Variants in ZNF609 observed in about 807,000 individuals in gnomAD.
The protein encoded by ZNF609 is zinc finger protein 609.
A neutral mutation model predicts 109.5 loss-of-function variants in ZNF609; 11 were observed. The ratio of observed to expected loss-of-function variants is 0.10; its 90% CI spans 0.06 to 0.17. The LOEUF (loss-of-function observed/expected upper bound fraction) is 0.17. Ranked by LOEUF, ZNF609 falls within the 10% of genes least tolerant of loss-of-function variation. The pLI, the probability that ZNF609 is intolerant of heterozygous loss-of-function variation, is 1.00. For synonymous variants in ZNF609, 646 were observed against 662.0 expected (o/e 0.98, Z 0.37); for missense variants, 1,559 against 1,772.4 (o/e 0.88, Z 2.16).
At chr15:64,559,786 G>GT (rs538142456) in intron 2 of ZNF609, among the ~76,000 whole-genome samples, 112 of 152,244 alleles carry the variant, frequency 7.4e-4, no homozygotes, top group African/African-American at 2.5e-3. Context: ...GCCCTTTCTA[G>GT]TTTACTATGT....
At chr15:64,680,447 C>G (rs1047260344) in intron 7 of ZNF609, 87 bp downstream of exon 7, 2 of 1,526,888 alleles carry the variant, frequency 1.3e-6, no homozygotes, top group Non-Finnish European at 1.8e-6. Context: ...AAGTTCAGGT[C>G]CTGACCACAG....
intron 2 of ZNF609, among the ~76,000 whole-genome samples, chr15:64,620,353 C>CT (rs1895858161): frequency 6.6e-6 from 1 of 152,214 alleles, no homozygotes; most frequent in Non-Finnish European, 1.5e-5. Flanking sequence ...CTGTCTCTAA[C>CT]TTTCCCTCTC....
chr15:64,465,620 A>G (rs1893003575), intron 1 of ZNF609, among the ~76,000 whole-genome samples: 1 of 151,802 alleles, frequency 6.6e-6, no homozygotes, highest in Non-Finnish European at 1.5e-5. Context: ...ACCTCAGGTG[A>G]TCCACCCACC....
intron 2 of ZNF609, among the ~76,000 whole-genome samples, chr15:64,510,357 A>G (rs1297974389): frequency 6.6e-6 from 1 of 151,830 alleles, no homozygotes; most frequent in East Asian, 1.9e-4. Flanking sequence ...GGCATATATC[A>G]CCACATCGGG....
intron 8 of ZNF609, among the ~76,000 whole-genome samples, chr15:64,681,096 C>T (rs971368281): frequency 1.3e-5 from 2 of 151,966 alleles, no homozygotes; most frequent in African/African-American, 2.4e-5. Flanking sequence ...CTCCAGAATA[C>T]TGGCCTTGAT....
intron 2 of ZNF609, among the ~76,000 whole-genome samples, chr15:64,620,869 C>G (rs895280880): frequency 6.6e-6 from 1 of 152,144 alleles, no homozygotes; most frequent in African/African-American, 2.4e-5. Flanking sequence ...GTGTTTGTCT[C>G]TGTGTGTGTT....
chr15:64,474,362 C>G (rs1220923227), intron 1 of ZNF609, among the ~76,000 whole-genome samples: 1 of 151,608 alleles, frequency 6.6e-6, no homozygotes, highest in Non-Finnish European at 1.5e-5. Context: ...TACAGGCGTA[C>G]GCCACCATGC....
intron 2 of ZNF609, 159 bp downstream of exon 2, chr15:64,500,325 C>A: frequency 1.9e-6 from 2 of 1,055,814 alleles, no homozygotes; most frequent in Non-Finnish European, 2.8e-6. Flanking sequence ...TGGTTTTCTT[C>A]CAAATTAGAG....
chr15:64,571,777 C>T (rs1358346029), intron 2 of ZNF609, among the ~76,000 whole-genome samples: 2 of 152,170 alleles, frequency 1.3e-5, no homozygotes, highest in African/African-American at 4.8e-5. Context: ...TCAAGCAGTT[C>T]TCCTGCCTCA....
intron 1 of ZNF609, among the ~76,000 whole-genome samples, chr15:64,498,097 T>A (rs1893509706): frequency 6.6e-6 from 1 of 152,060 alleles, no homozygotes. Flanking sequence ...TCACCCAGGC[T>A]GGAGTGCAGT....
At chr15:64,595,524 A>G (rs1259330600) in intron 2 of ZNF609, among the ~76,000 whole-genome samples, 1 of 152,094 alleles carries the variant, frequency 6.6e-6, no homozygotes, top group Non-Finnish European at 1.5e-5. Flanking sequence ...TGTGTGATAT[A>G]GACTTTTTCA....
In ZNF609 at chr15:64,514,630, T is replaced by C. The variant is rs910472558; in HGVS notation, c.747+14464T>C. Among the ~76,000 whole-genome samples the C allele has an allele frequency of 3.9e-5, 6 of 152,090 alleles. No individual in the cohort carries two copies. The East Asian group carries it at 5.8e-4, about 15-fold the overall frequency. On this transcript the variant is annotated intron_variant, in intron 2 of 9. Transcript: ENST00000326648. ...TTCTCACTTTCACCTTTAGATTCTA[T>C]CTAAACTATGCTTTTTTTTTTTTTT...
chr15:64,625,396 T>C (rs1283703360), intron 3 of ZNF609, among the ~76,000 whole-genome samples: 1 of 152,110 alleles, frequency 6.6e-6, no homozygotes, highest in African/African-American at 2.4e-5. Flanking sequence ...GGCGTGTACC[T>C]GTAATCCCAG....
intron 2 of ZNF609, among the ~76,000 whole-genome samples, chr15:64,607,520 T>C (rs1329085891): frequency 1.3e-5 from 2 of 151,224 alleles, no homozygotes; most frequent in African/African-American, 4.9e-5. Flanking sequence ...TTTTTTTTTT[T>C]TGGAGACAGA....
chr15:64,681,447 C>T, intron 9 of ZNF609, 60 bp downstream of exon 9: 5 of 1,397,960 alleles, frequency 3.6e-6, no homozygotes, highest in Non-Finnish European at 5.1e-6. Context: ...CTACCTGGAT[C>T]ACAGAATCCC....
chr15:64,560,130 C>T (rs926158861), intron 2 of ZNF609, among the ~76,000 whole-genome samples: 1 of 152,120 alleles, frequency 6.6e-6, no homozygotes, highest in Non-Finnish European at 1.5e-5. Flanking sequence ...ACTGAAAACT[C>T]CACCTCCCAG....
intron 1 of ZNF609, among the ~76,000 whole-genome samples, chr15:64,476,055 C>T (rs1243748739): frequency 1.3e-5 from 2 of 152,112 alleles, no homozygotes; most frequent in Non-Finnish European, 2.9e-5. Context: ...TCCATACATC[C>T]GAGCTGATAG....
At chr15:64,594,350 T>G (rs1230263711) in intron 2 of ZNF609, among the ~76,000 whole-genome samples, 1 of 151,952 alleles carries the variant, frequency 6.6e-6, no homozygotes, top group Non-Finnish European at 1.5e-5. Context: ...TTTTTTTTTT[T>G]GACACGGGGT....
At position 64,500,052 on chromosome 15, in the gene ZNF609, A is replaced by T; in HGVS notation, c.633A>T (p.Pro211=). ...GGGTGGATACAGGAGCTGTGGAGCCACTTGGGAGTATAGCTATTGAGCCTG... is the reference window on the plus strand; with the variant it reads ...GGGTGGATACAGGAGCTGTGGAGCCTCTTGGGAGTATAGCTATTGAGCCTG... ...SAGVDTGAVE[P]LGSIAIEPGA... Residue 211 remains proline, a synonymous_variant, in exon 2 of 10, where the codon CCA becomes CCT. Transcript: ENST00000326648. 2 of 1,614,174 alleles carry T rather than the reference A, an allele frequency of 1.2e-6. No individual in the cohort carries two copies. Among genetic ancestry groups the T allele is most frequent in the Non-Finnish European group, 1.7e-6 (2 of 1,180,030 alleles).
Sources: gnomAD v4.1 joint callset for allele counts (sites outside exome capture counted in the v4.1 genomes callset) on GRCh38, gnomAD v4.1.1 for gene constraint, MANE v1.5 for transcripts, NCBI Gene and HGNC (gene_info 2026-07-23, HGNC 2026-07-21) for gene names.